Variants in GULP1 observed in about 807,000 individuals in gnomAD.
GULP1 encodes GULP PTB domain containing engulfment adaptor 1, also known as PTB domain-containing engulfment adapter protein 1.
GULP1 carries 19 observed loss-of-function variants against 40.9 expected under a neutral mutation model. The ratio of observed to expected loss-of-function variants is 0.46; its 90% confidence interval spans 0.32 to 0.68. The LOEUF (loss-of-function observed/expected upper bound fraction) is 0.68, where lower values mean the gene tolerates loss of function less well. Among genes scored for constraint, GULP1 ranks in the 30% least tolerant of loss-of-function variants. The pLI is 0.03. For missense variants in GULP1, 312 were observed against 362.2 expected (o/e 0.86, Z 1.12); for synonymous variants, 119 against 117.6 (o/e 1.01, Z -0.08).
intron 3 of GULP1, among the ~76,000 whole-genome samples, chr2:188,482,986 AT>A (rs2061554246): frequency 6.6e-6 from 1 of 151,908 alleles, no homozygotes; most frequent in South Asian, 2.1e-4. Context: ...TCCCTTTAGA[AT>A]AACTAAATCT....
Position 188,358,107 on chromosome 2 carries a change from G to A in GULP1, c.-171-25656G>A, listed in dbSNP as rs537983289. Among the ~76,000 whole-genome samples, 16 of 152,288 alleles carry A rather than the reference G, an allele frequency of 1.1e-4. No homozygotes were observed. The South Asian group carries it at 3.3e-3, about 32-fold the overall frequency. Reference sequence around the variant, plus strand: ...GAGACACAAGAATTGGTTGAACCCAGGAGGCAGAAGTTTCAGTGAGCCAAG... The same window carrying A: ...GAGACACAAGAATTGGTTGAACCCAAGAGGCAGAAGTTTCAGTGAGCCAAG... On this transcript the variant is annotated intron_variant, in intron 1 of 11. Transcript: ENST00000409830.
chr2:188,585,616 T>A (rs1702206857), intron 10 of GULP1, among the ~76,000 whole-genome samples: 1 of 152,208 alleles, frequency 6.6e-6, no homozygotes. Context: ...TTGAGCTGTA[T>A]CTTGGCCCCT....
intron 6 of GULP1, among the ~76,000 whole-genome samples, chr2:188,533,626 A>G (rs1260284460): frequency 1.3e-5 from 2 of 152,188 alleles, no homozygotes; most frequent in African/African-American, 4.8e-5. Flanking sequence ...AAAAGTTGAC[A>G]AGTGGGACCT....
chr2:188,542,494 T>C (rs1188105819), intron 7 of GULP1, among the ~76,000 whole-genome samples: 2 of 152,132 alleles, frequency 1.3e-5, no homozygotes, highest in African/African-American at 4.8e-5. Flanking sequence ...CATTGAAAAG[T>C]TACAAAAAAT....
At chr2:188,483,571 A>G (rs2061603970) in intron 4 of GULP1, 79 bp downstream of exon 4, 1 of 538,458 alleles carries the variant, frequency 1.9e-6, no homozygotes, top group Non-Finnish European at 3.3e-6. Context: ...CAGATTGCTT[A>G]TGTATTGACA....
At chr2:188,501,451 A>G (rs1393081863) in intron 4 of GULP1, among the ~76,000 whole-genome samples, 1 of 151,980 alleles carries the variant, frequency 6.6e-6, no homozygotes, top group African/African-American at 2.4e-5. Flanking sequence ...AGTCTCAGAT[A>G]GTTCTTTATA....
At chr2:188,582,410 A>G (rs1021376659) in intron 9 of GULP1, 14 of 471,522 alleles carry the variant, frequency 3.0e-5, no homozygotes, top group Middle Eastern at 3.2e-4. Flanking sequence ...CTGGCGTAGT[A>G]ATGGTGATTC....
chr2:188,382,544 C>A (rs2049128635), intron 1 of GULP1, among the ~76,000 whole-genome samples: 2 of 152,318 alleles, frequency 1.3e-5, no homozygotes. Flanking sequence ...GCCTCTGGGG[C>A]AACCTAAACT....
At position 188,306,899 on chromosome 2, in the gene GULP1, A is replaced by G. The variant is rs570292249; in HGVS notation, c.-172+14733A>G. Among the ~76,000 whole-genome samples the G allele has an allele frequency of 2.0e-5, 3 of 152,324 alleles. No individual in the cohort carries two copies. The South Asian group carries it at 6.2e-4, about 32-fold the overall frequency. ...ATGGGAAATGACTTCATTCCAAGAT[A>G]TTAAAGAAGAAATAATGTTTTGTAC... On this transcript the variant is annotated intron_variant, in intron 1 of 11. Coordinates refer to ENST00000409830, the MANE Select transcript of GULP1 (RefSeq NM_016315.4).
At chr2:188,425,288 A>G (rs1259165373) in intron 2 of GULP1, among the ~76,000 whole-genome samples, 5 of 152,110 alleles carry the variant, frequency 3.3e-5, no homozygotes, top group Non-Finnish European at 7.4e-5. Flanking sequence ...ATCTGTTGTT[A>G]TGAGCTTATG....
intron 4 of GULP1, among the ~76,000 whole-genome samples, chr2:188,500,598 T>C (rs1008783218): frequency 2.6e-5 from 4 of 151,920 alleles, no homozygotes; most frequent in Admixed American, 6.6e-5. Flanking sequence ...CAGTTGACTA[T>C]GCTAAAATAA....
Position 188,368,297 on chromosome 2 carries a change from T to C in GULP1, c.-171-15466T>C, listed in dbSNP as rs115832554. On this transcript the variant is annotated intron_variant, in intron 1 of 11. Transcript: ENST00000409830. ...CTATGAATACATTTAATTTAGACTT[T>C]ATGGCCGAGTGTGGTGGCTCATGCC... is the stretch of plus-strand genomic sequence containing the variant. Among the ~76,000 whole-genome samples the C allele has an allele frequency of 2.7e-3, 418 of 152,270 alleles. 2 individuals carry two copies. The highest frequency in any genetic ancestry group is 9.7e-3 in the African/African-American group (402 of 41,562).
intron 2 of GULP1, among the ~76,000 whole-genome samples, chr2:188,416,773 A>G (rs1271738011): frequency 6.6e-6 from 1 of 152,210 alleles, no homozygotes; most frequent in Non-Finnish European, 1.5e-5. Context: ...TCTTGAACAT[A>G]TAGTAGTTAG....
At chr2:188,367,378 A>T (rs548643193) in intron 1 of GULP1, among the ~76,000 whole-genome samples, 1 of 152,206 alleles carries the variant, frequency 6.6e-6, no homozygotes, top group African/African-American at 2.4e-5. Context: ...TTGATGTCCA[A>T]GGTTTCCCAA....
chr2:188,569,337 C>T lies in GULP1; in HGVS notation c.498C>T (p.Ile166=), dbSNP rs1454921754. The T allele has an allele frequency of 9.7e-6, 15 of 1,543,452 alleles. No homozygotes were observed. Among genetic ancestry groups the T allele is most frequent in the African/African-American group, 5.4e-5 (4 of 73,450 alleles). The change falls in exon 8 of 12, where the codon ATC becomes ATT. Residue 166 remains isoleucine, a synonymous_variant. Coordinates refer to ENST00000409830, the MANE Select transcript of GULP1 (RefSeq NM_016315.4). ...AAGATGTTGAAACAAGAAAACAGAT[C>T]GCAGGGTTACAAAAAAGAGTGAGTA... ...GGKDVETRKQ[I]AGLQKRIQDL... is the part of the protein sequence containing the mutation.
At chr2:188,549,914 T>C (rs1441666493) in intron 7 of GULP1, among the ~76,000 whole-genome samples, 2 of 151,680 alleles carry the variant, frequency 1.3e-5, no homozygotes. Context: ...GGAGAACAAT[T>C]AGTGATTGCC....
intron 1 of GULP1, among the ~76,000 whole-genome samples, chr2:188,338,859 A>G (rs1332959283): frequency 6.6e-6 from 1 of 152,102 alleles, no homozygotes; most frequent in Non-Finnish European, 1.5e-5. Flanking sequence ...TTCCATTTTC[A>G]CCTCTTTGGC....
chr2:188,414,701 T>C (rs914532006), intron 2 of GULP1, among the ~76,000 whole-genome samples: 3 of 152,130 alleles, frequency 2.0e-5, no homozygotes, highest in Non-Finnish European at 4.4e-5. Context: ...GGCTTACAAT[T>C]TTGCTGTATT....
chr2:188,331,698 A>C (rs1333397261), intron 1 of GULP1, among the ~76,000 whole-genome samples: 2 of 152,198 alleles, frequency 1.3e-5, no homozygotes, highest in African/African-American at 4.8e-5. Context: ...ATGTATTTAA[A>C]AAATCCATTT....
Sources: allele counts gnomAD v4.1 joint callset (sites outside exome capture counted in the v4.1 genomes callset), GRCh38; gene constraint gnomAD v4.1.1; transcripts MANE v1.5; gene names NCBI Gene and HGNC (gene_info 2026-07-23, HGNC 2026-07-21).